The following ENTREP1 variants were observed in gnomAD, a reference collection of about 807,000 sequenced individuals.
The protein encoded by ENTREP1 is endosomal transmembrane epsin interactor 1, also known as Friedreich ataxia region gene X123.
At chr9:69,333,440 G>A in the ENTREP1 span, among the ~76,000 whole-genome samples, 1 of 152,000 alleles carries the variant, frequency 6.6e-6, no homozygotes, top group Non-Finnish European at 1.5e-5. Context: ...AAGCAGCTGG[G>A]ATTATAGGTG....
chr9:69,373,920 CCAAA>C, the ENTREP1 span, among the ~76,000 whole-genome samples: 1 of 152,096 alleles, frequency 6.6e-6, no homozygotes, highest in Non-Finnish European at 1.5e-5. Flanking sequence ...ATGTTATACT[CCAAA>C]CAATTTCTAT....
chr9:69,365,920 A>G, the ENTREP1 span, among the ~76,000 whole-genome samples: 2 of 152,078 alleles, frequency 1.3e-5, no homozygotes, highest in African/African-American at 2.4e-5. Flanking sequence ...TTATTTATTC[A>G]TTCGTCTGTT....
At chr9:69,331,632 C>T in the ENTREP1 span, among the ~76,000 whole-genome samples, 1 of 152,124 alleles carries the variant, frequency 6.6e-6, no homozygotes, top group African/African-American at 2.4e-5. Context: ...GATGGAGTTG[C>T]TTTTTGTTGC....
the ENTREP1 span, among the ~76,000 whole-genome samples, chr9:69,330,678 T>C: frequency 7.8e-4 from 119 of 152,368 alleles, no homozygotes; most frequent in Non-Finnish European, 1.5e-3. Flanking sequence ...ATTTAAGGGA[T>C]ATTTAAACTA....
the ENTREP1 span, among the ~76,000 whole-genome samples, chr9:69,368,734 T>A: frequency 6.6e-6 from 1 of 152,208 alleles, no homozygotes; most frequent in African/African-American, 2.4e-5. Context: ...TTAGTTCTTC[T>A]TTATAAGTTT....
the ENTREP1 span, among the ~76,000 whole-genome samples, chr9:69,367,872 A>AATATATATATACAC: frequency 6.4e-5 from 5 of 77,708 alleles, no homozygotes; most frequent in African/African-American, 3.0e-4. Context: ...CATATATATA[A>AATATATATATACAC]ATATATATAT....
the ENTREP1 span, among the ~76,000 whole-genome samples, chr9:69,366,684 G>A: frequency 4.6e-5 from 7 of 151,958 alleles, no homozygotes; most frequent in Non-Finnish European, 8.8e-5. Context: ...TTATGTTTAA[G>A]TCTTTAATCC....
the ENTREP1 span, among the ~76,000 whole-genome samples, chr9:69,340,962 T>C: frequency 6.6e-6 from 1 of 152,212 alleles, no homozygotes; most frequent in Non-Finnish European, 1.5e-5. Context: ...TGATGGACAA[T>C]GCTAGAAACA....
the ENTREP1 span, among the ~76,000 whole-genome samples, chr9:69,346,921 T>A: frequency 6.6e-6 from 1 of 152,208 alleles, no homozygotes; most frequent in African/African-American, 2.4e-5. Flanking sequence ...AGTTCCACCT[T>A]CTCATGGGGA....
chr9:69,361,763 C>G, the ENTREP1 span, among the ~76,000 whole-genome samples: 185 of 152,234 alleles, frequency 1.2e-3, no homozygotes, highest in African/African-American at 4.2e-3. Context: ...CAAAGAGTAT[C>G]TGGTGCCACC....
chr9:69,332,024 C>A, the ENTREP1 span, among the ~76,000 whole-genome samples: 24 of 152,240 alleles, frequency 1.6e-4, no homozygotes, highest in Non-Finnish European at 2.9e-5. Flanking sequence ...TCTGTGAATT[C>A]TGCCTCCCTT....
At chr9:69,352,354 G>A in the ENTREP1 span, among the ~76,000 whole-genome samples, 3 of 151,958 alleles carry the variant, frequency 2.0e-5, no homozygotes, top group African/African-American at 7.3e-5. Flanking sequence ...CCTAACCTCA[G>A]GTGATCCACC....
the ENTREP1 span, among the ~76,000 whole-genome samples, chr9:69,334,172 C>T: frequency 6.6e-6 from 1 of 152,224 alleles, no homozygotes; most frequent in African/African-American, 2.4e-5. Flanking sequence ...GTAGGTACAA[C>T]TCACACACTG....
At chr9:69,358,875 C>G in the ENTREP1 span, among the ~76,000 whole-genome samples, 4 of 149,828 alleles carry the variant, frequency 2.7e-5, no homozygotes, top group East Asian at 1.9e-4. Flanking sequence ...ATTAATAAAG[C>G]CTTTTTTTTT....
chr9:69,377,461 C>T, the ENTREP1 span: 7 of 1,613,504 alleles, frequency 4.3e-6, no homozygotes, highest in African/African-American at 4.0e-5. Context: ...ATATTCGCAA[C>T]CAGGAGATCC....
At chr9:69,375,904 A>G in the ENTREP1 span, 13 of 1,582,794 alleles carry the variant, frequency 8.2e-6, no homozygotes, top group Non-Finnish European at 1.1e-5. Flanking sequence ...TAAATACACC[A>G]CGGAGCCCCC....
chr9:69,359,482 T>C, the ENTREP1 span, among the ~76,000 whole-genome samples: 1 of 152,186 alleles, frequency 6.6e-6, no homozygotes, highest in Non-Finnish European at 1.5e-5. Context: ...GTGAGTGAGT[T>C]CTCATGAGAT....
At chr9:69,384,173 C>A in the ENTREP1 span, 1 of 568,154 alleles carries the variant, frequency 1.8e-6, no homozygotes, top group African/African-American at 1.9e-5. Context: ...GCCTGGACAA[C>A]ATGGAGAGAG....
the ENTREP1 span, among the ~76,000 whole-genome samples, chr9:69,361,146 A>G: frequency 1.3e-5 from 2 of 152,124 alleles, no homozygotes; most frequent in Non-Finnish European, 2.9e-5. Context: ...GATAATTTGT[A>G]TATGGTACCA....
Sources: gnomAD v4.1 joint callset for allele counts (sites outside exome capture counted in the v4.1 genomes callset) on GRCh38, gnomAD v4.1.1 for gene constraint, MANE v1.5 for transcripts, NCBI Gene and HGNC (gene_info 2026-07-23, HGNC 2026-07-21) for gene names.